Variants in SMAP1 observed in about 807,000 individuals in gnomAD.
SMAP1 encodes stromal membrane-associated protein 1.
In SMAP1, 24 loss-of-function variants were observed where a neutral mutation model predicts 58.5. The ratio of observed to expected loss-of-function variants is 0.41; its 90% CI spans 0.30 to 0.58. The LOEUF (loss-of-function observed/expected upper bound fraction) is 0.58. SMAP1 is among the 20% of genes least tolerant of loss of function. SMAP1 has a pLI of 0.29. For synonymous variants in SMAP1, 216 were observed against 196.6 expected (o/e 1.10, Z -0.82); for missense variants, 563 against 566.3 (o/e 0.99, Z 0.06).
intron 4 of SMAP1, among the ~76,000 whole-genome samples, chr6:70,789,067 C>T (rs1490450034): frequency 1.3e-5 from 2 of 152,048 alleles, no homozygotes; most frequent in African/African-American, 4.8e-5. Flanking sequence ...CCCTCATTTA[C>T]CCCTGTGTTC....
At chr6:70,746,382 A>AG (rs1343636890) in intron 2 of SMAP1, among the ~76,000 whole-genome samples, 3 of 152,264 alleles carry the variant, frequency 2.0e-5, no homozygotes, top group Non-Finnish European at 2.9e-5. Context: ...TTTAGCATGA[A>AG]GGCTGTTGAA....
At chr6:70,706,522 T>A (rs921347754) in intron 1 of SMAP1, among the ~76,000 whole-genome samples, 3 of 152,186 alleles carry the variant, frequency 2.0e-5, no homozygotes, top group African/African-American at 4.8e-5. Flanking sequence ...AACCATCATG[T>A]TATACAGAGG....
intron 3 of SMAP1, among the ~76,000 whole-genome samples, chr6:70,768,852 C>A (rs1279788097): frequency 1.3e-4 from 20 of 151,956 alleles, no homozygotes; most frequent in African/African-American, 3.9e-4. Context: ...TAGGGTGTCA[C>A]TTTTGGATCT....
intron 4 of SMAP1, among the ~76,000 whole-genome samples, chr6:70,789,811 A>C (rs1259777842): frequency 6.6e-6 from 1 of 150,734 alleles, no homozygotes; most frequent in Non-Finnish European, 1.5e-5. Context: ...GTGAGCTATG[A>C]TCTTCACACT....
intron 6 of SMAP1, among the ~76,000 whole-genome samples, chr6:70,815,756 G>GT (rs1015504321): frequency 2.2e-4 from 33 of 150,910 alleles, no homozygotes; most frequent in South Asian, 6.3e-4. Context: ...CACTCAAGGT[G>GT]TTTTTTTTTA....
At chr6:70,681,843 T>C (rs1050180908) in intron 1 of SMAP1, among the ~76,000 whole-genome samples, 1 of 152,312 alleles carries the variant, frequency 6.6e-6, no homozygotes, top group East Asian at 1.9e-4. Context: ...TTGATGTCTC[T>C]AGGTGCAGGA....
At chr6:70,696,749 G>C (rs780307082) in intron 1 of SMAP1, among the ~76,000 whole-genome samples, 1 of 152,134 alleles carries the variant, frequency 6.6e-6, no homozygotes, top group Non-Finnish European at 1.5e-5. Flanking sequence ...GCAGATATCT[G>C]TTAGGTCCGT....
Position 70,798,668 on chromosome 6 carries a change from A to G in SMAP1, c.507A>G (p.Glu169=). The G allele has an allele frequency of 1.3e-6, 2 of 1,527,598 alleles. No homozygotes were observed. The highest frequency in any genetic ancestry group is 1.8e-6 in the Non-Finnish European group (2 of 1,138,564). The allele number at this position is 1,527,598 out of a possible 1,614,324, so 94.6% of individuals were successfully genotyped here. The part of the protein sequence containing the change: ...VDKNKLEKEK[E]KKKEEKKREK... ...GGGCTGTGTTTTAGAAAGAAAAGGA[A>G]AAAAAAAAGGAAGAGAAAAAGAGAG... is the stretch of plus-strand genomic sequence containing the variant. Residue 169 remains glutamate (E), a synonymous_variant, in exon 6 of 11, where the codon GAA becomes GAG. Coordinates refer to ENST00000370455, the MANE Select transcript of SMAP1 (RefSeq NM_001044305.3).
In SMAP1 at chr6:70,744,270, A is replaced by G. The variant is rs1765932480; in HGVS notation, c.253-10710A>G. Reference sequence around the variant, plus strand: ...ACATGTGCCACGTTGGTTTGCTGCAACCCATCAACTCGTAATTTACATTAG... The same window carrying G: ...ACATGTGCCACGTTGGTTTGCTGCAGCCCATCAACTCGTAATTTACATTAG... On this transcript the variant is annotated intron_variant, in intron 2 of 10. Transcript: ENST00000370455. 2.0e-5 allele frequency among the ~76,000 whole-genome samples: 3 copies of G among 151,924 alleles called. No individual in the cohort carries two copies. The South Asian group carries it at 6.2e-4, about 32-fold the overall frequency.
Position 70,791,732 on chromosome 6 carries a change from C to T in SMAP1, c.458C>T (p.Pro153Leu), listed in dbSNP as rs1241003954. Residue 153 changes from proline to leucine, a missense_variant, in exon 5 of 11, where the codon CCT (proline) becomes CTT (leucine). Physicochemically the swap from Pro to Leu is moderately conservative, Grantham distance 98 (BLOSUM62 -3). This residue lies in a region of SMAP1 where 494 missense variants were observed against 473.8 expected (regional missense o/e 1.04). Transcript: ENST00000370455. The part of the protein sequence containing the change: ...DAPLQPLVSS[P>L]SLQAAVDKNK... ...CCTCTTCAGCCTTTGGTATCCTCTC[C>T]TTCTCTGCAAGCTGCTGTTGACAAA... The T allele has an allele frequency of 1.2e-6, 2 of 1,613,326 alleles. No individual in the cohort carries two copies. The highest frequency in any genetic ancestry group is 2.7e-5 in the African/African-American group (2 of 74,844).
chr6:70,847,141 C>T (rs1298674410), intron 7 of SMAP1, among the ~76,000 whole-genome samples: 1 of 152,140 alleles, frequency 6.6e-6, no homozygotes. Context: ...TTATTGGCGT[C>T]AGATGAATTC....
chr6:70,786,615 A>G (rs913298754), intron 4 of SMAP1, among the ~76,000 whole-genome samples: 2 of 152,124 alleles, frequency 1.3e-5, no homozygotes, highest in African/African-American at 4.8e-5. Context: ...GTCTCAGGAT[A>G]CAAAATCAGT....
At chr6:70,857,797 C>A in intron 9 of SMAP1, 125 bp from the exon 10 acceptor site, 1 of 1,052,068 alleles carries the variant, frequency 9.5e-7, no homozygotes, top group Non-Finnish European at 1.4e-6. Context: ...GTAGTAGGAG[C>A]AGCCAAACTG....
chr6:70,694,796 T>C (rs1362657260), intron 1 of SMAP1, among the ~76,000 whole-genome samples: 1 of 152,230 alleles, frequency 6.6e-6, no homozygotes, highest in East Asian at 1.9e-4. Context: ...TAAAGGTACC[T>C]TGTAAACACC....
chr6:70,790,600 CA>C (rs1768306966), intron 4 of SMAP1, among the ~76,000 whole-genome samples: 1 of 151,918 alleles, frequency 6.6e-6, no homozygotes, highest in Non-Finnish European at 1.5e-5. Flanking sequence ...CTAGCTTACA[CA>C]ATTATAACAG....
chr6:70,770,528 C>T (rs1391631518), intron 3 of SMAP1, among the ~76,000 whole-genome samples: 1 of 152,184 alleles, frequency 6.6e-6, no homozygotes, highest in Non-Finnish European at 1.5e-5. Flanking sequence ...CCCTTTCTTC[C>T]AGTTGATTGC....
intron 1 of SMAP1, among the ~76,000 whole-genome samples, chr6:70,725,891 C>T (rs1768761075): frequency 6.6e-6 from 1 of 152,160 alleles, no homozygotes; most frequent in Non-Finnish European, 1.5e-5. Flanking sequence ...TAATTTGCAT[C>T]TCTAAACCTA....
chr6:70,857,108 A>G (rs1582319763), intron 9 of SMAP1, 78 bp downstream of exon 9: 1 of 1,369,028 alleles, frequency 7.3e-7, no homozygotes, highest in Admixed American at 2.3e-5. Flanking sequence ...GATCAATTAT[A>G]TATCTTTTAT....
intron 6 of SMAP1, among the ~76,000 whole-genome samples, chr6:70,822,629 TTTTTGGCC>T (rs1769939160): frequency 6.6e-6 from 1 of 152,136 alleles, no homozygotes; most frequent in African/African-American, 2.4e-5. Context: ...TGGGTATAAT[TTTTTGGCC>T]TTTTATCTTA....
Sources: allele counts gnomAD v4.1 joint callset (sites outside exome capture counted in the v4.1 genomes callset), GRCh38; gene constraint gnomAD v4.1.1; regional missense constraint gnomAD v4.1.1; transcripts MANE v1.5; gene names NCBI Gene and HGNC (gene_info 2026-07-23, HGNC 2026-07-21).